Variants in TUNAR observed in about 807,000 individuals in gnomAD.
The protein encoded by TUNAR is transmembrane neural differentiation associated intracellular calcium regulator.
At chr14:95,922,694 C>T (rs1465090651) in intron 2 of TUNAR, 87 bp from the exon 2 acceptor site, 1 of 397,054 alleles carries the variant, frequency 2.5e-6, no homozygotes, top group Non-Finnish European at 4.4e-6. Context: ...GACCTGCAAG[C>T]AGATCACTAC....
In TUNAR at chr14:95,895,454, T is replaced by A. The variant is rs556779657; in HGVS notation, c.12+18277T>A. Among the ~76,000 whole-genome samples, 113 of 152,118 alleles carry A rather than the reference T, an allele frequency of 7.4e-4. 2 individuals carry two copies. In the South Asian group the frequency reaches 0.023, roughly 30 times the overall value. ...GCGTGTGTGTATGTGTGGGTGTGCA[T>A]GCATAGGAGGAAAGGGAGCGGAGAG... On this transcript the variant is annotated intron_variant, in intron 2 of 2. Transcript: ENST00000678517. This position sits in a 1 kb window ranked among gnomAD's most constrained non-coding sequence, Gnocchi z 4.5.
intron 2 of TUNAR, among the ~76,000 whole-genome samples, chr14:95,887,192 G>GT (rs1889092318): frequency 6.6e-6 from 1 of 152,142 alleles, no homozygotes. Flanking sequence ...ACATACATAA[G>GT]TTTAAGCCAA....
At chr14:95,912,682 C>T (rs1259849078) in intron 2 of TUNAR, among the ~76,000 whole-genome samples, 1 of 151,552 alleles carries the variant, frequency 6.6e-6, no homozygotes, top group African/African-American at 2.4e-5. Flanking sequence ...CCATCATTAA[C>T]AAAAATAAAC....
rs1029823746 is a variant in TUNAR at position 95,895,365 on chromosome 14, C to G, written c.12+18188C>G. Among the ~76,000 whole-genome samples, 1 of 152,102 alleles carries G rather than the reference C, an allele frequency of 6.6e-6. No homozygotes were observed. The highest frequency in any genetic ancestry group is 6.5e-5 in the Admixed American group (1 of 15,276). On this transcript the variant is annotated intron_variant, in intron 2 of 2. Transcript: ENST00000678517. The surrounding 1 kb of genome is among the most constrained non-coding windows in gnomAD (Gnocchi z 4.5). The stretch of plus-strand genomic sequence containing the variant: ...GAAGTGTGGGGCCCTGTTTTAGCTC[C>G]GTAGCCAAAGACCTGAGTTCCAGCA...
chr14:95,908,991 C>T (rs1202157916), intron 2 of TUNAR, among the ~76,000 whole-genome samples: 3 of 152,254 alleles, frequency 2.0e-5, no homozygotes, highest in South Asian at 4.1e-4. Flanking sequence ...CACAGGCCTG[C>T]GTCTCATCTC....
At chr14:95,891,393 C>G (rs1889178616) in intron 2 of TUNAR, among the ~76,000 whole-genome samples, 1 of 152,172 alleles carries the variant, frequency 6.6e-6, no homozygotes, top group Non-Finnish European at 1.5e-5. Flanking sequence ...AATTTTCGCC[C>G]TCTCTCCACA....
In TUNAR at chr14:95,895,996, C is replaced by T. The variant is rs1889258305; in HGVS notation, c.12+18819C>T. On this transcript the variant is annotated intron_variant, in intron 2 of 2. Coordinates refer to ENST00000678517, the Ensembl canonical transcript of TUNAR. The surrounding 1 kb of genome is among the most constrained non-coding windows in gnomAD (Gnocchi z 4.5). The stretch of plus-strand genomic sequence containing the variant: ...TGTGCACCTCTCAAATCTTCAACAC[C>T]TAGCGTGGTACCTGGCCCCAGGTGG... 6.6e-6 allele frequency: 1 copy of T among 152,204 alleles called. No individual in the cohort carries two copies. Among genetic ancestry groups the T allele is most frequent in the Non-Finnish European group, 1.5e-5 (1 of 68,034 alleles). 9.4% of individuals were successfully genotyped at this position (152,204 alleles called of 1,614,324 possible).
At chr14:95,915,817 A>G (rs1889596178) in intron 2 of TUNAR, among the ~76,000 whole-genome samples, 1 of 152,206 alleles carries the variant, frequency 6.6e-6, no homozygotes, top group Non-Finnish European at 1.5e-5. Context: ...AAGCAGCCCA[A>G]CAGAGGACTG....
intron 2 of TUNAR, among the ~76,000 whole-genome samples, chr14:95,883,092 T>C (rs1889008058): frequency 6.6e-6 from 1 of 152,228 alleles, no homozygotes; most frequent in African/African-American, 2.4e-5. Context: ...AGTGTTCAAG[T>C]CTAAAGGTAG....
chr14:95,898,596 G>C (rs1889300157), intron 2 of TUNAR, among the ~76,000 whole-genome samples: 1 of 151,822 alleles, frequency 6.6e-6, no homozygotes, highest in African/African-American at 2.4e-5. Context: ...AGATTTTGTT[G>C]ACTTCATTTT....
At chr14:95,907,560 C>T (rs1889446184) in intron 2 of TUNAR, among the ~76,000 whole-genome samples, 1 of 152,114 alleles carries the variant, frequency 6.6e-6, no homozygotes, top group Admixed American at 6.5e-5. Context: ...GTCCGGCATC[C>T]AGGAAGAATG....
At chr14:95,923,226 A>C (rs1314187382) in exon 3 of TUNAR, 4 of 326,670 alleles carry the variant, frequency 1.2e-5, no homozygotes, top group Non-Finnish European at 2.2e-5. Flanking sequence ...GGCCCAGAAG[A>C]ATGCTTGGAA....
At chr14:95,877,769 A>G (rs759036064) in intron 2 of TUNAR, among the ~76,000 whole-genome samples, 2 of 152,232 alleles carry the variant, frequency 1.3e-5, no homozygotes, top group Non-Finnish European at 2.9e-5. Context: ...ACTTGCTCCA[A>G]TGAGTATCTG....
chr14:95,877,918 G>A (rs1213401018), intron 2 of TUNAR, among the ~76,000 whole-genome samples: 3 of 152,198 alleles, frequency 2.0e-5, no homozygotes, highest in African/African-American at 7.2e-5. Flanking sequence ...CTTTCCTGGG[G>A]TTCTGTTTTC....
At chr14:95,922,969 G>A in exon 3 of TUNAR, 2 of 399,038 alleles carry the variant, frequency 5.0e-6, no homozygotes, top group East Asian at 7.1e-5. Flanking sequence ...CCCTGTGAAT[G>A]GCCCAGAGCG....
At chr14:95,889,101 C>T (rs567991142) in intron 2 of TUNAR, among the ~76,000 whole-genome samples, 89 of 152,252 alleles carry the variant, frequency 5.8e-4, no homozygotes, top group Middle Eastern at 3.4e-3. Context: ...TTCTCAGCTT[C>T]AAAGAGGCCT....
At chr14:95,883,723 C>T (rs879545626) in intron 2 of TUNAR, among the ~76,000 whole-genome samples, 8 of 137,248 alleles carry the variant, frequency 5.8e-5, no homozygotes, top group Non-Finnish European at 1.3e-4. Flanking sequence ...GGCCAAGCCA[C>T]CCCCCCGCCG....
In TUNAR at chr14:95,915,638, G is replaced by T. The variant is rs113120619; in HGVS notation, c.13-7143G>T. 5.9e-3 allele frequency among the ~76,000 whole-genome samples: 905 copies of T among 152,350 alleles called. 1 individual carries two copies. The highest frequency in any genetic ancestry group is 0.01 in the Non-Finnish European group (693 of 68,028). On this transcript the variant is annotated intron_variant, in intron 2 of 2. Coordinates refer to ENST00000678517, the Ensembl canonical transcript of TUNAR. ...CGTGCCTTCTAGCCCTGCCCGGCTG[G>T]GATTCCACACTGAACCCTGAGTCCC...
chr14:95,923,177 C>T, exon 3 of TUNAR: 1 of 380,756 alleles, frequency 2.6e-6, no homozygotes, highest in Non-Finnish European at 4.6e-6. Context: ...TCCAACAAAA[C>T]TCATTCACAG....
Sources: gnomAD v4.1 joint callset for allele counts (sites outside exome capture counted in the v4.1 genomes callset) on GRCh38, gnomAD v4.1.1 for gene constraint, Gnocchi (gnomAD v3.1) non-coding constraint, MANE v1.5 for transcripts, NCBI Gene and HGNC (gene_info 2026-07-23, HGNC 2026-07-21) for gene names.